RBFOX3: variants seen among roughly 807,000 people sequenced by gnomAD.
The protein encoded by RBFOX3 is RNA binding fox-1 homolog 3.
A neutral mutation model predicts 48.7 loss-of-function variants in RBFOX3; 17 were observed. That is an observed-to-expected ratio of 0.35 (90% CI 0.24 to 0.52). The LOEUF is 0.52. RBFOX3 is among the 20% of genes least tolerant of loss of function. RBFOX3 has a pLI of 0.94. For synonymous variants in RBFOX3, 212 were observed against 209.5 expected (o/e 1.01, Z -0.10); for missense variants, 382 against 497.5 (o/e 0.77, Z 2.21).
chr17:79,288,784 C>T (rs1447228747), intron 3 of RBFOX3, among the ~76,000 whole-genome samples: 4 of 151,944 alleles, frequency 2.6e-5, no homozygotes, highest in Admixed American at 6.6e-5. Flanking sequence ...TATAATGACC[C>T]CCCCAATTGA....
intron 2 of RBFOX3, among the ~76,000 whole-genome samples, chr17:79,422,116 G>C (rs2066504812): frequency 6.6e-6 from 1 of 152,122 alleles, no homozygotes; most frequent in African/African-American, 2.4e-5. Flanking sequence ...GAAGGGTGTG[G>C]GCCGGGGAGG....
the RBFOX3 span, among the ~76,000 whole-genome samples, chr17:79,629,898 T>C: frequency 6.6e-6 from 1 of 152,196 alleles, no homozygotes; most frequent in Non-Finnish European, 1.5e-5. Context: ...GCAATCCCAT[T>C]ATACTCCCCA....
chr17:79,432,989 A>G (rs2068743907), intron 2 of RBFOX3, among the ~76,000 whole-genome samples: 1 of 152,138 alleles, frequency 6.6e-6, no homozygotes, highest in Non-Finnish European at 1.5e-5. Context: ...CTACCCCAGC[A>G]TTAATTAACT....
chr17:79,142,238 T>A (rs1005463125), intron 4 of RBFOX3, among the ~76,000 whole-genome samples: 2 of 152,040 alleles, frequency 1.3e-5, no homozygotes, highest in Non-Finnish European at 2.9e-5. Flanking sequence ...TCCCTCCCGG[T>A]CCCCGGCCTC....
chr17:79,428,500 G>A (rs2067807240), intron 2 of RBFOX3, among the ~76,000 whole-genome samples: 1 of 152,210 alleles, frequency 6.6e-6, no homozygotes, highest in Non-Finnish European at 1.5e-5. Flanking sequence ...CCTAACACGG[G>A]GCTGCTGTCC....
At chr17:79,655,718 T>G in the RBFOX3 span, among the ~76,000 whole-genome samples, 2 of 152,084 alleles carry the variant, frequency 1.3e-5, no homozygotes, top group African/African-American at 4.8e-5. Flanking sequence ...GCCCATGATC[T>G]CTCTATAAGA....
chr17:79,233,103 T>C (rs1177005843), intron 4 of RBFOX3, among the ~76,000 whole-genome samples: 4 of 152,220 alleles, frequency 2.6e-5, no homozygotes, highest in Non-Finnish European at 5.9e-5. Context: ...AGCCCAAATG[T>C]CCTTCAAGGA....
intron 2 of RBFOX3, among the ~76,000 whole-genome samples, chr17:79,463,176 C>CTGCCAT (rs1555750405): frequency 8.2e-6 from 1 of 121,760 alleles, no homozygotes; most frequent in South Asian, 3.1e-4. Flanking sequence ...GCCACCTCCA[C>CTGCCAT]CGCCATCGCC....
chr17:79,578,645 G>A (rs1054926461), intron 1 of RBFOX3, among the ~76,000 whole-genome samples: 2 of 152,274 alleles, frequency 1.3e-5, no homozygotes, highest in Admixed American at 6.5e-5. Context: ...TGGATGCTGC[G>A]TGAATTCACA....
intron 4 of RBFOX3, among the ~76,000 whole-genome samples, chr17:79,171,693 C>A (rs2049332067): frequency 1.8e-5 from 2 of 112,958 alleles, no homozygotes; most frequent in Admixed American, 8.4e-5. Context: ...AACTCTTGGG[C>A]TCTAGTGATC....
chr17:79,312,306 G>A (rs537522422), intron 2 of RBFOX3, among the ~76,000 whole-genome samples: 3 of 151,864 alleles, frequency 2.0e-5, no homozygotes, highest in South Asian at 2.1e-4. Flanking sequence ...AAAAGAGGGC[G>A]AAGGGAGATT....
intron 1 of RBFOX3, among the ~76,000 whole-genome samples, chr17:79,557,025 T>C (rs1180347068): frequency 6.6e-6 from 1 of 151,854 alleles, no homozygotes; most frequent in African/African-American, 2.4e-5. Flanking sequence ...TGGTGGATCA[T>C]TTGAGGTCAG....
intron 1 of RBFOX3, among the ~76,000 whole-genome samples, chr17:79,489,657 A>C (rs994404141): frequency 1.3e-5 from 2 of 152,074 alleles, no homozygotes; most frequent in Non-Finnish European, 2.9e-5. Context: ...CACCCTCCCA[A>C]CTGCAGCATT....
chr17:79,284,857 CTGCCCT>C (rs2071493222), intron 3 of RBFOX3, among the ~76,000 whole-genome samples: 1 of 152,152 alleles, frequency 6.6e-6, no homozygotes. Context: ...TCTTTTATGA[CTGCCCT>C]GATGGACTTT....
intron 1 of RBFOX3, among the ~76,000 whole-genome samples, chr17:79,597,012 T>C (rs386829717): frequency 0.84 from 127,235 of 152,100 alleles, 53,289 homozygotes; most frequent in Middle Eastern, 0.89. Context: ...CCTAGGACAC[T>C]GCAAGAGAAA....
At chr17:79,150,001 GT>G (rs2144742825) in intron 4 of RBFOX3, among the ~76,000 whole-genome samples, 2 of 86,100 alleles carry the variant, frequency 2.3e-5, no homozygotes, top group African/African-American at 5.0e-5. Flanking sequence ...GGGGGTGGGG[GT>G]GGGGGATGGG....
At position 79,391,137 on chromosome 17, in the gene RBFOX3, T is replaced by C. The variant is rs537025002; in HGVS notation, c.-174-83313A>G. ...GCTCCCTGATACCAGCCTCTCTTTT[T>C]CCAGACAGTCTGATTAACTTTTCTA... is the stretch of plus-strand genomic sequence containing the variant. On this transcript the variant is annotated intron_variant, in intron 2 of 14. Transcript: ENST00000693108. This position sits in a 1 kb window ranked among gnomAD's most constrained non-coding sequence, Gnocchi z 5.0. Among the ~76,000 whole-genome samples the C allele has an allele frequency of 6.6e-6, 1 of 152,286 alleles. No homozygotes were observed. The highest frequency in any genetic ancestry group is 1.9e-4 in the East Asian group (1 of 5,162).
In RBFOX3 at chr17:79,415,109, G is replaced by A. The variant is rs183391268; in HGVS notation, c.-175+67345C>T. Reference sequence around the variant, plus strand: ...TTCATCACGGGGTTCTGAGTCTGGGGAGTTCAAGTGACTTCTGAGACCACT... The same window carrying A: ...TTCATCACGGGGTTCTGAGTCTGGGAAGTTCAAGTGACTTCTGAGACCACT... On this transcript the variant is annotated intron_variant, in intron 2 of 14. Transcript: ENST00000693108. Among the ~76,000 whole-genome samples the A allele has an allele frequency of 1.8e-4, 27 of 152,294 alleles. 1 individual carries two copies. Among genetic ancestry groups the A allele is most frequent in the African/African-American group, 6.5e-4 (27 of 41,582 alleles).
At chr17:79,506,280 A>T (rs1208568433) in intron 1 of RBFOX3, among the ~76,000 whole-genome samples, 1 of 152,072 alleles carries the variant, frequency 6.6e-6, no homozygotes, top group East Asian at 1.9e-4. Flanking sequence ...GAGGGACTTG[A>T]GGGGGCCAGT....
Sources: allele counts gnomAD v4.1 joint callset (sites outside exome capture counted in the v4.1 genomes callset), GRCh38; gene constraint gnomAD v4.1.1; non-coding constraint Gnocchi (gnomAD v3.1); transcripts MANE v1.5; gene names NCBI Gene and HGNC (gene_info 2026-07-23, HGNC 2026-07-21).